The following GRIP1 variants were observed in gnomAD, a reference collection of about 807,000 sequenced individuals.
GRIP1 encodes glutamate receptor-interacting protein 1.
Under a neutral mutation model 129.9 loss-of-function variants are expected in GRIP1, and 45 were observed. The observed-to-expected ratio is 0.35, with a 90% CI of 0.27 to 0.44. GRIP1 has a LOEUF of 0.44. Among genes scored for constraint, GRIP1 ranks in the 20% least tolerant of loss-of-function variants. The pLI is 1.00. For missense variants in GRIP1, 1,196 were observed against 1,396.8 expected (o/e 0.86, Z 2.29); for synonymous variants, 530 against 520.8 (o/e 1.02, Z -0.24).
chr12:66,915,385 G>T (rs560820393), intron 1 of GRIP1, among the ~76,000 whole-genome samples: 1 of 152,204 alleles, frequency 6.6e-6, no homozygotes, highest in South Asian at 2.1e-4. Context: ...AAGACTGTAG[G>T]CTTCCCAGAC....
chr12:66,689,746 C>T (rs78233375), intron 1 of GRIP1, among the ~76,000 whole-genome samples: 1 of 151,984 alleles, frequency 6.6e-6, no homozygotes, highest in South Asian at 2.1e-4. Flanking sequence ...CTATAGTCAC[C>T]ATGCTGTACA....
intron 7 of GRIP1, among the ~76,000 whole-genome samples, chr12:66,473,550 C>T (rs1175607161): frequency 6.6e-6 from 1 of 152,206 alleles, no homozygotes; most frequent in Non-Finnish European, 1.5e-5. Context: ...CAACTCCCAG[C>T]AGGGGTCGAC....
chr12:66,517,991 G>A lies in GRIP1; in HGVS notation c.503-15C>T. 1 of 1,458,760 alleles carries A rather than the reference G, an allele frequency of 6.9e-7. No individual in the cohort carries two copies. The highest frequency in any genetic ancestry group is 9.6e-7 in the Non-Finnish European group (1 of 1,038,752). The allele number at this position is 1,458,760 out of a possible 1,614,324, so 90.4% of individuals were successfully genotyped here. A position where few individuals can be genotyped will look rare whatever the true frequency, so the allele number is the denominator to read the frequency against. ...ATGTGCTCCCCCTAGCAAAGAAAAG[G>A]AACAGAGCTTAAAACTGCTTTCATT... On this transcript the variant is annotated splice_polypyrimidine_tract_variant and intron_variant, in intron 5 of 24. Transcript: ENST00000359742.
At chr12:66,754,012 T>C (rs371452773) in intron 1 of GRIP1, among the ~76,000 whole-genome samples, 11 of 152,222 alleles carry the variant, frequency 7.2e-5, no homozygotes, top group African/African-American at 2.7e-4. Flanking sequence ...TGGATAAACA[T>C]GGTTCATTTT....
chr12:66,982,627 A>G (rs2042255046), intron 1 of GRIP1, among the ~76,000 whole-genome samples: 1 of 152,180 alleles, frequency 6.6e-6, no homozygotes, highest in South Asian at 2.1e-4. Flanking sequence ...TGCAGCTTTC[A>G]GTCCAACAAC....
intron 1 of GRIP1, among the ~76,000 whole-genome samples, chr12:66,915,819 G>A (rs2137334033): frequency 6.6e-6 from 1 of 152,308 alleles, no homozygotes; most frequent in Non-Finnish European, 1.5e-5. Context: ...TAGACATTGG[G>A]GATGAGACGA....
At chr12:66,891,716 T>C (rs1566067089) in intron 1 of GRIP1, among the ~76,000 whole-genome samples, 1 of 152,110 alleles carries the variant, frequency 6.6e-6, no homozygotes, top group Non-Finnish European at 1.5e-5. Flanking sequence ...GACATGGAGA[T>C]TTCCTTCCTT....
intron 2 of GRIP1, among the ~76,000 whole-genome samples, chr12:66,578,843 A>G (rs1419052059): frequency 1.3e-5 from 2 of 152,180 alleles, no homozygotes; most frequent in Non-Finnish European, 2.9e-5. Flanking sequence ...ACAGACAAAC[A>G]AAAAGACAGC....
rs115922698 is a variant in GRIP1, at chr12:66,889,972, C to T, written c.58+179078G>A. Among the ~76,000 whole-genome samples, 708 of 152,016 alleles carry T rather than the reference C, an allele frequency of 4.7e-3. 8 individuals carry two copies. The highest frequency in any genetic ancestry group is 0.016 in the African/African-American group (662 of 41,440). On this transcript the variant is annotated intron_variant, in intron 1 of 1. Transcript: ENST00000643019. ...TCTTACAGGGTCTCACTTTGTCACC[C>T]AGGATGGAGTGCAGTGGTGTAATCA...
rs1041525067 is a variant in GRIP1 at position 66,476,397 on chromosome 12, C to A, written c.725-10975G>T. On this transcript the variant is annotated intron_variant, in intron 7 of 24. Transcript: ENST00000359742. ...TAATAGCTTACCAACCAAAAAGAGT[C>A]CAGGATCAGATGGATTCACAGCCGA... Among the ~76,000 whole-genome samples, 8 of 152,198 alleles carry A rather than the reference C, an allele frequency of 5.3e-5. 1 individual carries two copies. Among genetic ancestry groups the A allele is most frequent in the African/African-American group, 1.7e-4 (7 of 41,536 alleles).
intron 1 of GRIP1, among the ~76,000 whole-genome samples, chr12:66,879,695 T>C (rs1246053394): frequency 6.6e-6 from 1 of 152,142 alleles, no homozygotes; most frequent in Non-Finnish European, 1.5e-5. Flanking sequence ...CAACTAGTTA[T>C]AAGATTCATT....
chr12:66,967,800 T>C (rs779229014), intron 1 of GRIP1, among the ~76,000 whole-genome samples: 1 of 152,250 alleles, frequency 6.6e-6, no homozygotes, highest in Non-Finnish European at 1.5e-5. Flanking sequence ...GCAGTCTGAG[T>C]ACATACTTTG....
intron 15 of GRIP1, among the ~76,000 whole-genome samples, chr12:66,416,329 C>G (rs1293447971): frequency 6.6e-6 from 1 of 151,964 alleles, no homozygotes; most frequent in Non-Finnish European, 1.5e-5. Flanking sequence ...AATAAATAAC[C>G]TAACAATGCA....
intron 1 of GRIP1, among the ~76,000 whole-genome samples, chr12:66,946,897 A>G: frequency 6.6e-6 from 1 of 151,768 alleles, no homozygotes; most frequent in East Asian, 1.9e-4. Context: ...AAAAAAAATT[A>G]GCCAGGCGTG....
intron 1 of GRIP1, among the ~76,000 whole-genome samples, chr12:67,044,037 A>G (rs1436110071): frequency 6.6e-6 from 1 of 152,136 alleles, no homozygotes; most frequent in Non-Finnish European, 1.5e-5. Context: ...TTTATAATAG[A>G]GCCATGAGTT....
At chr12:66,469,479 T>C (rs1479393628) in intron 7 of GRIP1, among the ~76,000 whole-genome samples, 1 of 152,190 alleles carries the variant, frequency 6.6e-6, no homozygotes, top group Non-Finnish European at 1.5e-5. Flanking sequence ...AATATTTGTA[T>C]GACAATAACA....
chr12:66,696,047 A>AT (rs1157919948), intron 1 of GRIP1, among the ~76,000 whole-genome samples: 1 of 152,136 alleles, frequency 6.6e-6, no homozygotes, highest in African/African-American at 2.4e-5. Flanking sequence ...AAACTAAATG[A>AT]AGAGGGGAAG....
At chr12:66,626,802 T>C (rs7976987) in intron 1 of GRIP1, 103,795 of 152,668 alleles carry the variant, frequency 0.68, 36,499 homozygotes, top group African/African-American at 0.84. Flanking sequence ...CTTCTTTCTG[T>C]AGAAATGACT....
intron 1 of GRIP1, among the ~76,000 whole-genome samples, chr12:67,045,457 T>C (rs981999980): frequency 7.9e-5 from 12 of 152,142 alleles, no homozygotes; most frequent in African/African-American, 2.4e-4. Flanking sequence ...TCCAACCCAA[T>C]AGCATGTCTG....
Sources: gnomAD v4.1 joint callset for allele counts (sites outside exome capture counted in the v4.1 genomes callset) on GRCh38, gnomAD v4.1.1 for gene constraint, MANE v1.5 for transcripts, NCBI Gene and HGNC (gene_info 2026-07-23, HGNC 2026-07-21) for gene names.